CARS1: variants seen among roughly 807,000 people sequenced by gnomAD.
CARS1 encodes the protein cysteine--tRNA ligase, cytoplasmic.
In CARS1, 48 loss-of-function variants were observed where a neutral mutation model predicts 106.2. The ratio of observed to expected loss-of-function variants is 0.45; its 90% CI spans 0.36 to 0.57. CARS1 has a LOEUF of 0.57. CARS1 is among the 20% of genes least tolerant of loss of function. The pLI, the probability that CARS1 is intolerant of heterozygous loss-of-function variation, is 0.00. For missense variants in CARS1, 968 were observed against 1,057.2 expected, an observed-to-expected ratio of 0.92 and a Z score of 1.17; for synonymous variants, 409 against 403.4, an observed-to-expected ratio of 1.01 and a Z score of -0.17.
In CARS1 at chr11:3,021,644, T is replaced by C. The variant is rs1451517408; in HGVS notation, c.1154-1312A>G. ...TAAAAAAAGAAAACTAGGAAAAAAA[T>C]TGCCATTATCTTTTAACCTAGGAAT... On this transcript the variant is annotated intron_variant, in intron 10 of 22. Transcript: ENST00000380525. This position sits in a 1 kb window ranked among gnomAD's most constrained non-coding sequence, Gnocchi z 5.3. 1.3e-5 allele frequency among the ~76,000 whole-genome samples: 2 copies of C among 152,092 alleles called. No individual in the cohort carries two copies. Among genetic ancestry groups the C allele is most frequent in the African/African-American group, 4.8e-5 (2 of 41,418 alleles).
At chr11:3,051,386 C>A (rs1855683686) in intron 1 of CARS1, among the ~76,000 whole-genome samples, 1 of 152,212 alleles carries the variant, frequency 6.6e-6, no homozygotes, top group Non-Finnish European at 1.5e-5. Flanking sequence ...ACTGCCGGGG[C>A]TTCCCTCTGA....
rs1201684001 is a variant in CARS1, at chr11:3,017,708, G to T, written c.1727+149C>A. The T allele has an allele frequency of 6.5e-6, 4 of 616,168 alleles. No homozygotes were observed. The East Asian group carries it at 1.1e-4, about 17-fold the overall frequency. 38.2% of individuals were successfully genotyped at this position (616,168 alleles called of 1,614,324 possible). On this transcript the variant is annotated intron_variant, in intron 15 of 22. Coordinates refer to ENST00000380525, the MANE Select transcript of CARS1 (RefSeq NM_001014437.3). The surrounding 1 kb of genome is among the most constrained non-coding windows in gnomAD (Gnocchi z 4.9). ...ACACCCAGAGCAGCTCCCATTAGCA[G>T]AGCCGCCTATCCTGAATTAATTCTG...
rs1314154798 is a variant in CARS1, at chr11:3,028,891, A to T, written c.1031+105T>A. 4 of 806,228 alleles carry T rather than the reference A, an allele frequency of 5.0e-6. No individual in the cohort carries two copies. The highest frequency in any genetic ancestry group is 8.5e-6 in the Non-Finnish European group (4 of 468,674). 49.9% of individuals were successfully genotyped at this position (806,228 alleles called of 1,614,324 possible). On this transcript the variant is annotated intron_variant, in intron 9 of 22. Coordinates refer to ENST00000380525, the MANE Select transcript of CARS1 (RefSeq NM_001014437.3). This position sits in a 1 kb window ranked among gnomAD's most constrained non-coding sequence, Gnocchi z 4.4. ...GGGACTTCTAGCTACGCAGCCCCAG[A>T]ACACCTGCTCCTCTGCTTCCCAAAC...
At chr11:3,001,657 C>T (rs370108476) in intron 22 of CARS1, among the ~76,000 whole-genome samples, 16 of 152,214 alleles carry the variant, frequency 1.1e-4, no homozygotes, top group South Asian at 4.1e-4. Context: ...GGCCTATCTG[C>T]GCCACGGCAC....
Position 3,004,042 on chromosome 11 carries a change from G to A in CARS1, c.2217+1324C>T, listed in dbSNP as rs1849630975. On this transcript the variant is annotated intron_variant, in intron 20 of 22. Coordinates refer to ENST00000380525, the MANE Select transcript of CARS1 (RefSeq NM_001014437.3). This position sits in a 1 kb window ranked among gnomAD's most constrained non-coding sequence, Gnocchi z 5.2. ...GCTTCTGAGCACTCTGCCAGGGAGT[G>A]CAGCAAGCCAGGGCGTCTGCACAGC... 6.6e-6 allele frequency among the ~76,000 whole-genome samples: 1 copy of A among 152,204 alleles called. No individual in the cohort carries two copies. Among genetic ancestry groups the A allele is most frequent in the Non-Finnish European group, 1.5e-5 (1 of 68,030 alleles).
In CARS1 at chr11:3,034,996, G is replaced by A. The variant is rs370298321; in HGVS notation, c.801+3054C>T. 3.3e-5 allele frequency among the ~76,000 whole-genome samples: 5 copies of A among 152,042 alleles called. No individual in the cohort carries two copies. Among genetic ancestry groups the A allele is most frequent in the African/African-American group, 7.3e-5 (3 of 41,374 alleles). On this transcript the variant is annotated intron_variant, in intron 7 of 22. Coordinates refer to ENST00000380525, the MANE Select transcript of CARS1 (RefSeq NM_001014437.3). This position sits in a 1 kb window ranked among gnomAD's most constrained non-coding sequence, Gnocchi z 6.3. ...ATCACATGGCCAGGGGGCTCATGAGGGCCAAACTGGCTTCTGTAACAGCCC... is the reference window on the plus strand; with the variant it reads ...ATCACATGGCCAGGGGGCTCATGAGAGCCAAACTGGCTTCTGTAACAGCCC...
chr11:3,018,552 G>A (rs765518888), intron 13 of CARS1, 41 bp from the exon 14 acceptor site: 19 of 1,611,962 alleles, frequency 1.2e-5, no homozygotes, highest in African/African-American at 5.3e-5. Flanking sequence ...TTATTCTCCC[G>A]AGTGCTACAG....
At position 3,019,400 on chromosome 11, in the gene CARS1, A is replaced by G. The variant is rs1296552855; in HGVS notation, c.1267-133T>C. The G allele has an allele frequency of 1.9e-6, 2 of 1,039,762 alleles. No homozygotes were observed. Among genetic ancestry groups the G allele is most frequent in the Middle Eastern group, 2.2e-4 (1 of 4,522 alleles). 64.4% of individuals were successfully genotyped at this position (1,039,762 alleles called of 1,614,324 possible). ...AACAAGCGTTAAATCCCGCACATGA[A>G]AAGACTAAGGGAAGGCTGGGCGAGA... is the stretch of plus-strand genomic sequence containing the variant. On this transcript the variant is annotated intron_variant, in intron 11 of 22. Coordinates refer to ENST00000380525, the MANE Select transcript of CARS1 (RefSeq NM_001014437.3). The surrounding 1 kb of genome is among the most constrained non-coding windows in gnomAD (Gnocchi z 6.2).
chr11:3,002,721 G>A (rs992398409), intron 20 of CARS1, 121 bp from the exon 21 acceptor site: 5 of 1,487,888 alleles, frequency 3.4e-6, no homozygotes, highest in African/African-American at 1.4e-5. Flanking sequence ...GCTGAACTCT[G>A]ACCAGGCCCT....
rs962150179 is a variant in CARS1 at position 3,040,014 on chromosome 11, A to C, written c.456-83T>G. 2 of 687,718 alleles carry C rather than the reference A, an allele frequency of 2.9e-6. No homozygotes were observed. Among genetic ancestry groups the C allele is most frequent in the African/African-American group, 3.7e-5 (2 of 53,430 alleles). The allele number at this position is 687,718 out of a possible 1,614,324, so 42.6% of individuals were successfully genotyped here. A position where few individuals can be genotyped will look rare whatever the true frequency, so the allele number is the denominator to read the frequency against. ...CAACAACACGTGTTTGAACTGCATG[A>C]GTGCATTTATATATGATTTTCTCTG... On this transcript the variant is annotated intron_variant, in intron 4 of 22. Transcript: ENST00000380525. This position sits in a 1 kb window ranked among gnomAD's most constrained non-coding sequence, Gnocchi z 5.8.
chr11:3,019,282 A>C lies in CARS1; in HGVS notation c.1267-15T>G. 1 of 1,395,058 alleles carries C rather than the reference A, an allele frequency of 7.2e-7. No individual in the cohort carries two copies. Among genetic ancestry groups the C allele is most frequent in the Non-Finnish European group, 9.4e-7 (1 of 1,065,838 alleles). The allele number at this position is 1,395,058 out of a possible 1,614,324, so 86.4% of individuals were successfully genotyped here. A position where few individuals can be genotyped will look rare whatever the true frequency, so the allele number is the denominator to read the frequency against. On this transcript the variant is annotated splice_polypyrimidine_tract_variant and intron_variant, in intron 11 of 22. Coordinates refer to ENST00000380525, the MANE Select transcript of CARS1 (RefSeq NM_001014437.3). This position sits in a 1 kb window ranked among gnomAD's most constrained non-coding sequence, Gnocchi z 6.2. Reference sequence around the variant, plus strand: ...CCCGGACGACCCTGGAGAAAGCCGAACACACAGTGACTGACCAGCCTACCC... The same window carrying C: ...CCCGGACGACCCTGGAGAAAGCCGACCACACAGTGACTGACCAGCCTACCC...
At chr11:3,032,816 C>T (rs1853033523) in intron 7 of CARS1, among the ~76,000 whole-genome samples, 1 of 150,800 alleles carries the variant, frequency 6.6e-6, no homozygotes, top group Admixed American at 6.7e-5. Context: ...TGTGTGATAC[C>T]GTAATGGTGG....
chr11:3,023,722 T>G (rs118103597), intron 10 of CARS1, among the ~76,000 whole-genome samples: 57 of 152,214 alleles, frequency 3.7e-4, no homozygotes, highest in Non-Finnish European at 6.8e-4. Context: ...CTACTTTTAT[T>G]AATCAAACTT....
intron 19 of CARS1, among the ~76,000 whole-genome samples, chr11:3,006,186 T>C (rs1057386843): frequency 6.6e-6 from 1 of 152,212 alleles, no homozygotes; most frequent in African/African-American, 2.4e-5. Context: ...AGGCTGGGCA[T>C]GTGGCTCATG....
chr11:3,027,977 A>C (rs952059756), intron 9 of CARS1: 2 of 414,410 alleles, frequency 4.8e-6, no homozygotes, highest in African/African-American at 4.1e-5. Context: ...CGGAGGCCTA[A>C]CCGTCTCCCT....
chr11:3,027,759 T>C (rs1852247926), intron 9 of CARS1: 4 of 448,056 alleles, frequency 8.9e-6, no homozygotes, highest in South Asian at 6.3e-5. Flanking sequence ...GAAGGGTTCC[T>C]TGGTCTAGTG....
chr11:3,012,692 T>C (rs1850597020), intron 17 of CARS1, among the ~76,000 whole-genome samples: 1 of 152,188 alleles, frequency 6.6e-6, no homozygotes, highest in African/African-American at 2.4e-5. Context: ...GGGCCTTACC[T>C]ATGCTGAGGC....
In CARS1 at chr11:3,017,923, C is replaced by G; in HGVS notation, c.1661G>C (p.Arg554Pro). 6.2e-7 allele frequency: 1 copy of G among 1,613,682 alleles called. No individual in the cohort carries two copies. Among genetic ancestry groups the G allele is most frequent in the Non-Finnish European group, 8.5e-7 (1 of 1,179,738 alleles). Residue 554 changes from arginine (R) to proline (P), a missense_variant, in exon 15 of 23, where the codon CGC (arginine) becomes CCC (proline). By Grantham distance (103) the Arg-to-Pro change is moderately radical. Coordinates refer to ENST00000380525, the MANE Select transcript of CARS1 (RefSeq NM_001014437.3). The surrounding 1 kb of genome is among the most constrained non-coding windows in gnomAD (Gnocchi z 4.9). The stretch of plus-strand genomic sequence containing the variant: ...CTGACCAGTGATGTCAACAGGAGCG[C>G]GAAGGATATCTTTCACATTTAAGAA... ...EFFLNVKDIL[R>P]APVDITGQFE...
In CARS1 at chr11:3,001,393, C is replaced by G. The variant is rs951604926; in HGVS notation, c.2362-145G>C. On this transcript the variant is annotated intron_variant, in intron 22 of 22. Transcript: ENST00000380525. ...TTGGACATTCAGTCACCACACTGCT[C>G]TGGAGCCAGCACACTCATCTGGCAG... 26 of 916,182 alleles carry G rather than the reference C, an allele frequency of 2.8e-5. No individual in the cohort carries two copies. In the South Asian group the frequency reaches 3.9e-4, roughly 14 times the overall value. 56.8% of individuals were successfully genotyped at this position (916,182 alleles called of 1,614,324 possible).
Sources: gnomAD v4.1 joint callset for allele counts (sites outside exome capture counted in the v4.1 genomes callset) on GRCh38, gnomAD v4.1.1 for gene constraint, Gnocchi (gnomAD v3.1) non-coding constraint, MANE v1.5 for transcripts, NCBI Gene and HGNC (gene_info 2026-07-23, HGNC 2026-07-21) for gene names.